Variants in DLG2 observed in about 807,000 individuals in gnomAD.
The protein encoded by DLG2 is disks large homolog 2.
Under a neutral mutation model 132.5 loss-of-function variants are expected in DLG2, and 45 were observed. That is an observed-to-expected ratio of 0.34 (90% CI 0.27 to 0.44). DLG2 has a LOEUF of 0.44. Ranked by LOEUF, DLG2 falls within the 20% of genes least tolerant of loss-of-function variation. DLG2 has a pLI of 1.00. For synonymous variants in DLG2, 424 were observed against 419.6 expected, an observed-to-expected ratio of 1.01 and a Z score of -0.13; for missense variants, 1,045 against 1,196.9, an observed-to-expected ratio of 0.87 and a Z score of 1.87.
At chr11:84,902,903 C>G (rs1426792029) in intron 6 of DLG2, among the ~76,000 whole-genome samples, 1 of 152,182 alleles carries the variant, frequency 6.6e-6, no homozygotes, top group African/African-American at 2.4e-5. Flanking sequence ...TAATAGCTCA[C>G]AGTTATTGTC....
intron 16 of DLG2, among the ~76,000 whole-genome samples, chr11:83,868,089 G>A (rs905697363): frequency 6.6e-6 from 1 of 152,156 alleles, no homozygotes; most frequent in Non-Finnish European, 1.5e-5. Flanking sequence ...TGCTGAACTG[G>A]GGGGACAGCG....
intron 6 of DLG2, among the ~76,000 whole-genome samples, chr11:85,033,978 T>C (rs1043375757): frequency 6.6e-6 from 1 of 152,188 alleles, no homozygotes. Context: ...TTACAGGTAT[T>C]AGCCTAATTG....
intron 7 of DLG2, among the ~76,000 whole-genome samples, chr11:84,395,737 A>T (rs746351285): frequency 1.3e-5 from 2 of 152,224 alleles, no homozygotes; most frequent in African/African-American, 2.4e-5. Flanking sequence ...GTGTATATGT[A>T]CCTCAAAATA....
chr11:84,575,066 G>A (rs1250422284), intron 6 of DLG2, among the ~76,000 whole-genome samples: 4 of 152,110 alleles, frequency 2.6e-5, no homozygotes, highest in Admixed American at 1.3e-4. Flanking sequence ...ATTGGCTGCC[G>A]TGCTCTAAGC....
At chr11:84,042,966 G>C (rs934271924) in intron 11 of DLG2, among the ~76,000 whole-genome samples, 1 of 151,556 alleles carries the variant, frequency 6.6e-6, no homozygotes, top group Non-Finnish European at 1.5e-5. Flanking sequence ...AGATATTTTG[G>C]GGTATTGTAA....
intron 7 of DLG2, among the ~76,000 whole-genome samples, chr11:84,358,317 C>A (rs1400624739): frequency 6.6e-6 from 1 of 150,980 alleles, no homozygotes; most frequent in East Asian, 2.0e-4. Flanking sequence ...TCAGTAAGGG[C>A]ACCTGTTCTT....
rs903577801 is a variant in DLG2 at position 85,458,103 on chromosome 11, C to T, written c.40+140554G>A. On this transcript the variant is annotated intron_variant, in intron 3 of 27. Coordinates refer to ENST00000376104, the MANE Select transcript of DLG2 (RefSeq NM_001142699.3). ...CATAGATTTGGTTTCTTTACATAAT[C>T]CCATATTTCTTGGAGGTTTTGTTCA... Among the ~76,000 whole-genome samples the T allele has an allele frequency of 9.9e-5, 15 of 152,248 alleles. No individual in the cohort carries two copies. The Middle Eastern group carries it at 0.01, about 104-fold the overall frequency.
intron 6 of DLG2, among the ~76,000 whole-genome samples, chr11:84,808,469 C>CAGA (rs1318830543): frequency 6.6e-6 from 1 of 151,700 alleles, no homozygotes; most frequent in East Asian, 1.9e-4. Context: ...TAACAAAGAG[C>CAGA]AGAAACAAAT....
chr11:84,612,274 T>C lies in DLG2; in HGVS notation c.358-77543A>G, dbSNP rs534287143. On this transcript the variant is annotated intron_variant, in intron 6 of 27. Transcript: ENST00000376104. ...TCAATAGTTTATTTCTTTCTGTTGCTGAATAGTATTTCAATGTATGGAAGT... is the reference window on the plus strand; with the variant it reads ...TCAATAGTTTATTTCTTTCTGTTGCCGAATAGTATTTCAATGTATGGAAGT... Among the ~76,000 whole-genome samples the C allele has an allele frequency of 1.8e-4, 28 of 152,310 alleles. 1 individual carries two copies. Among genetic ancestry groups the C allele is most frequent in the African/African-American group, 6.7e-4 (28 of 41,592 alleles).
chr11:83,974,290 T>A (rs2091869934), intron 12 of DLG2, among the ~76,000 whole-genome samples: 1 of 152,208 alleles, frequency 6.6e-6, no homozygotes, highest in African/African-American at 2.4e-5. Flanking sequence ...CCAAAAATAA[T>A]AACAATTTCA....
At chr11:84,545,088 GT>G (rs772039723) in intron 6 of DLG2, 150 of 454,088 alleles carry the variant, frequency 3.3e-4, no homozygotes, top group Non-Finnish European at 5.1e-4. Context: ...TAGCTTCCCT[GT>G]CACTTCTCTC....
At position 85,153,753 on chromosome 11, in the gene DLG2, T is replaced by C. The variant is rs1193709104; in HGVS notation, c.282+803A>G. On this transcript the variant is annotated intron_variant, in intron 5 of 27. Transcript: ENST00000376104. ...AAAAATATCAACTCAATAAAATAAATGCAAAACTTGCAATTTATTTCAATA... is the reference window on the plus strand; with the variant it reads ...AAAAATATCAACTCAATAAAATAAACGCAAAACTTGCAATTTATTTCAATA... Among the ~76,000 whole-genome samples the C allele has an allele frequency of 3.3e-5, 5 of 152,172 alleles. No individual in the cohort carries two copies. The East Asian group carries it at 9.6e-4, about 29-fold the overall frequency.
chr11:84,560,174 T>G lies in DLG2; in HGVS notation c.358-25443A>C, dbSNP rs140672247. 2.6e-5 allele frequency among the ~76,000 whole-genome samples: 4 copies of G among 152,254 alleles called. No homozygotes were observed. In the East Asian group the frequency reaches 7.7e-4, roughly 29 times the overall value. ...AAATTTGGGAATCTGATCTTCCCTT[T>G]AAGTCAAATTTAGTAGGAAAGCCAC... is the stretch of plus-strand genomic sequence containing the variant. On this transcript the variant is annotated intron_variant, in intron 6 of 27. Transcript: ENST00000376104.
chr11:83,585,278 A>T (rs2153255134), intron 19 of DLG2, among the ~76,000 whole-genome samples: 1 of 152,332 alleles, frequency 6.6e-6, no homozygotes, highest in Non-Finnish European at 1.5e-5. Context: ...CCCCAACAGG[A>T]TGGAGACATT....
chr11:83,865,605 T>C (rs2062190786), intron 16 of DLG2, among the ~76,000 whole-genome samples: 2 of 151,714 alleles, frequency 1.3e-5, no homozygotes, highest in South Asian at 4.2e-4. Context: ...GAGGAACCGG[T>C]AGAGGAGAAG....
rs1377676804 is a variant in DLG2, at chr11:85,386,826, G to C, written c.41-101461C>G. ...AAGGAAGTAAAACAGGAAAGAAAGAGAGAAAGAGAGGGTAAGACAATAGGA... is the reference window on the plus strand; with the variant it reads ...AAGGAAGTAAAACAGGAAAGAAAGACAGAAAGAGAGGGTAAGACAATAGGA... On this transcript the variant is annotated intron_variant, in intron 3 of 27. Transcript: ENST00000376104. Among the ~76,000 whole-genome samples the C allele has an allele frequency of 2.2e-5, 3 of 139,006 alleles. No homozygotes were observed. The East Asian group carries it at 6.2e-4, about 29-fold the overall frequency. 91.2% of individuals were successfully genotyped at this position (139,006 alleles called of 152,430 possible).
chr11:84,712,677 C>T (rs1444956962), intron 6 of DLG2, among the ~76,000 whole-genome samples: 1 of 151,956 alleles, frequency 6.6e-6, no homozygotes. Context: ...GAAAAAAAAT[C>T]CACTTATTTT....
chr11:84,852,843 A>G (rs2082322109), intron 6 of DLG2, among the ~76,000 whole-genome samples: 1 of 151,638 alleles, frequency 6.6e-6, no homozygotes, highest in South Asian at 2.1e-4. Flanking sequence ...AATTAACAAC[A>G]CTAGAGAAAA....
intron 3 of DLG2, among the ~76,000 whole-genome samples, chr11:85,494,716 G>T (rs1182990554): frequency 6.6e-6 from 1 of 151,540 alleles, no homozygotes; most frequent in East Asian, 1.9e-4. Flanking sequence ...AAGCACATTT[G>T]CAAAAGAAAC....
Sources: gnomAD v4.1 joint callset for allele counts (sites outside exome capture counted in the v4.1 genomes callset) on GRCh38, gnomAD v4.1.1 for gene constraint, MANE v1.5 for transcripts, NCBI Gene and HGNC (gene_info 2026-07-23, HGNC 2026-07-21) for gene names.